Variants in SRGAP3 observed in about 807,000 individuals in gnomAD.
SRGAP3 encodes SLIT-ROBO Rho GTPase activating protein 3.
SRGAP3 carries 39 observed loss-of-function variants against 121.1 expected under a neutral mutation model. That is an observed-to-expected ratio of 0.32 (90% CI 0.25 to 0.42). The LOEUF (loss-of-function observed/expected upper bound fraction) is 0.42. Ranked by LOEUF, SRGAP3 falls within the 10% of genes least tolerant of loss-of-function variation. The probability of loss-of-function intolerance (pLI) is 1.00; values close to 1 mark genes in which losing one functional copy is unlikely to be tolerated. For missense variants in SRGAP3, 1,213 were observed against 1,470.6 expected, an observed-to-expected ratio of 0.82 and a Z score of 2.86; for synonymous variants, 601 against 570.0, an observed-to-expected ratio of 1.05 and a Z score of -0.77.
At chr3:9,052,087 A>G (rs1420281399) in intron 9 of SRGAP3, among the ~76,000 whole-genome samples, 2 of 152,238 alleles carry the variant, frequency 1.3e-5, no homozygotes, top group East Asian at 1.9e-4. Flanking sequence ...CACATGGAAC[A>G]TGTTCAGGAG....
At chr3:9,031,449 T>A (rs983738) in intron 12 of SRGAP3, among the ~76,000 whole-genome samples, 93 of 152,284 alleles carry the variant, frequency 6.1e-4, no homozygotes, top group Admixed American at 4.9e-3. Context: ...CCTCTACGCT[T>A]TGGTCTTCTT....
intron 1 of SRGAP3, among the ~76,000 whole-genome samples, chr3:9,231,991 C>T (rs1356659545): frequency 6.6e-6 from 1 of 152,132 alleles, no homozygotes; most frequent in Admixed American, 6.5e-5. Context: ...CACGATGGCT[C>T]CTGACTGAAA....
intron 1 of SRGAP3, among the ~76,000 whole-genome samples, chr3:9,170,584 T>C (rs899963752): frequency 2.0e-5 from 3 of 152,072 alleles, no homozygotes; most frequent in Non-Finnish European, 4.4e-5. Context: ...TAGCACACAG[T>C]CCCTGAAGAC....
At position 9,000,432 on chromosome 3, in the gene SRGAP3, T is replaced by A. The variant is rs1942685883; in HGVS notation, c.2228-5909A>T. 2.0e-5 allele frequency among the ~76,000 whole-genome samples: 3 copies of A among 151,784 alleles called. No individual in the cohort carries two copies. The South Asian group carries it at 6.2e-4, about 32-fold the overall frequency. ...CACTCAGAAGATGCCATTGTCTCCATCCCCAGTCTCAGAGTCCTGGCTCAG... is the reference window on the plus strand; with the variant it reads ...CACTCAGAAGATGCCATTGTCTCCAACCCCAGTCTCAGAGTCCTGGCTCAG... On this transcript the variant is annotated intron_variant, in intron 18 of 21. Coordinates refer to ENST00000383836, the MANE Select transcript of SRGAP3 (RefSeq NM_014850.4).
chr3:9,125,848 CTGAG>C (rs2124987491), intron 1 of SRGAP3, among the ~76,000 whole-genome samples: 1 of 152,316 alleles, frequency 6.6e-6, no homozygotes, highest in South Asian at 2.1e-4. Context: ...TCCCCTCTGC[CTGAG>C]TATTAGGTCC....
intron 14 of SRGAP3, among the ~76,000 whole-genome samples, chr3:9,023,827 C>T (rs775637997): frequency 3.9e-5 from 6 of 152,132 alleles, no homozygotes; most frequent in Non-Finnish European, 8.8e-5. Flanking sequence ...GCTCCAGAAA[C>T]GAAGCTCCCC....
At chr3:9,042,479 A>G (rs574958569) in intron 10 of SRGAP3, among the ~76,000 whole-genome samples, 1 of 151,932 alleles carries the variant, frequency 6.6e-6, no homozygotes, top group East Asian at 1.9e-4. Flanking sequence ...GGAGGGAAAT[A>G]AGGAGAGGAA....
chr3:9,185,360 G>A (rs958123346), intron 1 of SRGAP3, among the ~76,000 whole-genome samples: 10 of 152,260 alleles, frequency 6.6e-5, no homozygotes, highest in Admixed American at 5.2e-4. Context: ...CACCAAGACG[G>A]GGCAGGGAGG....
At chr3:9,165,163 G>GC (rs1002097440) in intron 1 of SRGAP3, among the ~76,000 whole-genome samples, 9 of 152,320 alleles carry the variant, frequency 5.9e-5, no homozygotes, top group East Asian at 5.8e-4. Context: ...AAAAAAGGGG[G>GC]CCCCCCAGTG....
chr3:9,198,167 A>G (rs1409536007), intron 1 of SRGAP3, among the ~76,000 whole-genome samples: 1 of 152,226 alleles, frequency 6.6e-6, no homozygotes, highest in Non-Finnish European at 1.5e-5. Context: ...ACACTGGATG[A>G]CAAGGCTTTC....
At chr3:9,002,617 C>A (rs385995) in intron 18 of SRGAP3, among the ~76,000 whole-genome samples, 1 of 151,750 alleles carries the variant, frequency 6.6e-6, no homozygotes, top group Non-Finnish European at 1.5e-5. Context: ...AAATAGAGAA[C>A]AGAAAAACAA....
chr3:9,033,369 A>T (rs1301633300), intron 11 of SRGAP3: 3 of 153,738 alleles, frequency 2.0e-5, no homozygotes, highest in African/African-American at 7.3e-5. Flanking sequence ...TGACCCCAGG[A>T]TAATGGTAAT....
At chr3:9,319,731 A>G (rs1377879177) in intron 3 of SRGAP3, among the ~76,000 whole-genome samples, 2 of 151,862 alleles carry the variant, frequency 1.3e-5, no homozygotes, top group Admixed American at 6.5e-5. Context: ...GAAGTAAATC[A>G]AAGTATTGGC....
intron 4 of SRGAP3, among the ~76,000 whole-genome samples, chr3:9,072,682 T>C (rs73811426): frequency 0.019 from 2,824 of 152,266 alleles, 89 homozygotes; most frequent in African/African-American, 0.064. Context: ...CACACCTTCA[T>C]CCCACAGACG....
chr3:9,248,947 G>T lies in SRGAP3; in HGVS notation c.5C>A (p.Ser2Ter). 1 of 1,614,116 alleles carries T rather than the reference G, an allele frequency of 6.2e-7. No individual in the cohort carries two copies. Among genetic ancestry groups the T allele is most frequent in the South Asian group, 1.1e-5 (1 of 91,074 alleles). The change falls in exon 1 of 22, where the codon TCA becomes TAA. Residue 2 changes from serine to a stop codon, truncating the protein, a stop_gained. Coordinates refer to ENST00000383836, the MANE Select transcript of SRGAP3 (RefSeq NM_014850.4). LOFTEE classifies it high-confidence loss of function. ...GTCTTTCTTGAACTTAGTTTGAGATGACATCTTCTGACGTGGCCAAAGGAA... is the reference window on the plus strand; with the variant it reads ...GTCTTTCTTGAACTTAGTTTGAGATTACATCTTCTGACGTGGCCAAAGGAA... M[S>*]SQTKFKKDKE... is the part of the protein sequence containing the mutation.
intron 1 of SRGAP3, among the ~76,000 whole-genome samples, chr3:9,216,420 A>G (rs1049218190): frequency 1.3e-5 from 2 of 152,176 alleles, no homozygotes; most frequent in Non-Finnish European, 2.9e-5. Flanking sequence ...TGCCCCACCC[A>G]AAACACCCTG....
Position 9,335,863 on chromosome 3 carries a change from C to CTTA in SRGAP3, n.215-5270_215-5268dup, listed in dbSNP as rs572052429. Among the ~76,000 whole-genome samples the CTTA allele has an allele frequency of 2.0e-4, 31 of 152,134 alleles. No individual in the cohort carries two copies. The South Asian group carries it at 6.4e-3, about 32-fold the overall frequency. On this transcript the variant is annotated intron_variant and non_coding_transcript_variant, in intron 1 of 3. Coordinates refer to the SRGAP3 transcript ENST00000490889. ...GGACTTTAGGATTTTTCTTCGTTTTCTTATTATTATTTTTTTTAGTCAGTC... is the reference window on the plus strand; with the variant it reads ...GGACTTTAGGATTTTTCTTCGTTTTCTTATTATTATTATTTTTTTTAGTCAGTC...
intron 1 of SRGAP3, among the ~76,000 whole-genome samples, chr3:9,146,428 G>A (rs1034583891): frequency 7.9e-5 from 12 of 152,208 alleles, no homozygotes; most frequent in Non-Finnish European, 1.8e-4. Flanking sequence ...GAAACCAGAG[G>A]TGCAGACAGG....
chr3:9,355,358 A>C (rs2030437856), intron 1 of SRGAP3, among the ~76,000 whole-genome samples: 1 of 152,130 alleles, frequency 6.6e-6, no homozygotes, highest in Admixed American at 6.5e-5. Flanking sequence ...AGCCAGAGTG[A>C]TTGTCTGTTT....
Sources: gnomAD v4.1 joint callset for allele counts (sites outside exome capture counted in the v4.1 genomes callset) on GRCh38, gnomAD v4.1.1 for gene constraint, MANE v1.5 for transcripts, NCBI Gene and HGNC (gene_info 2026-07-23, HGNC 2026-07-21) for gene names.